The following HS6ST3 variants were observed in gnomAD, a reference collection of about 807,000 sequenced individuals.
HS6ST3 encodes heparan sulfate 6-O-sulfotransferase 3, also known as heparan-sulfate 6-O-sulfotransferase 3.
Under a neutral mutation model 36.7 loss-of-function variants are expected in HS6ST3, and 12 were observed. The ratio of observed to expected loss-of-function variants is 0.33; its 90% CI spans 0.21 to 0.53. The LOEUF is 0.53. Ranked by LOEUF, HS6ST3 falls within the 20% of genes least tolerant of loss-of-function variation. HS6ST3 has a pLI of 0.95. For synonymous variants in HS6ST3, 240 were observed against 257.5 expected, an observed-to-expected ratio of 0.93 and a Z score of 0.65; for missense variants, 584 against 640.9, an observed-to-expected ratio of 0.91 and a Z score of 0.96.
chr13:96,780,542 G>C (rs1396655747), intron 1 of HS6ST3, among the ~76,000 whole-genome samples: 2 of 152,054 alleles, frequency 1.3e-5, no homozygotes, highest in Non-Finnish European at 2.9e-5. Flanking sequence ...TTTGAGAATT[G>C]AGTGAATGCT....
chr13:96,752,117 AC>A (rs1722823655), intron 1 of HS6ST3, among the ~76,000 whole-genome samples: 1 of 152,078 alleles, frequency 6.6e-6, no homozygotes, highest in African/African-American at 2.4e-5. Context: ...TTCCTGAAGT[AC>A]TATACTGCTT....
intron 1 of HS6ST3, among the ~76,000 whole-genome samples, chr13:96,401,834 A>G (rs1793085402): frequency 6.6e-6 from 1 of 152,172 alleles, no homozygotes; most frequent in Admixed American, 6.5e-5. Flanking sequence ...CCGGCCTCCC[A>G]AAGTGCTGGG....
At chr13:96,698,138 G>A (rs1288370134) in intron 1 of HS6ST3, among the ~76,000 whole-genome samples, 3 of 152,044 alleles carry the variant, frequency 2.0e-5, no homozygotes, top group Non-Finnish European at 4.4e-5. Context: ...TTGGTGTGCT[G>A]CACCCATTAA....
At chr13:96,669,015 G>T (rs1257759960) in intron 1 of HS6ST3, among the ~76,000 whole-genome samples, 2 of 152,024 alleles carry the variant, frequency 1.3e-5, no homozygotes, top group African/African-American at 2.4e-5. Context: ...GTACACATTT[G>T]CATTGGTAAT....
chr13:96,572,298 A>C (rs1235847849), intron 1 of HS6ST3, among the ~76,000 whole-genome samples: 1 of 152,212 alleles, frequency 6.6e-6, no homozygotes, highest in Non-Finnish European at 1.5e-5. Flanking sequence ...CATTATTGCT[A>C]TGAGACTTTC....
chr13:96,563,388 A>G (rs1205038554), intron 1 of HS6ST3, among the ~76,000 whole-genome samples: 1 of 152,194 alleles, frequency 6.6e-6, no homozygotes, highest in Non-Finnish European at 1.5e-5. Flanking sequence ...GTGGTAACAG[A>G]GTAGCAGGAT....
chr13:96,587,176 C>T (rs917629251), intron 1 of HS6ST3, among the ~76,000 whole-genome samples: 4 of 151,976 alleles, frequency 2.6e-5, no homozygotes, highest in South Asian at 4.1e-4. Context: ...AATACCATGC[C>T]GTTTTTGTTC....
chr13:96,429,503 A>G (rs1357520124), intron 1 of HS6ST3, among the ~76,000 whole-genome samples: 2 of 152,242 alleles, frequency 1.3e-5, no homozygotes, highest in African/African-American at 4.8e-5. Flanking sequence ...TAGAAGATTT[A>G]GAACAGAGCT....
intron 1 of HS6ST3, among the ~76,000 whole-genome samples, chr13:96,231,897 A>G (rs2054510329): frequency 6.6e-6 from 1 of 152,192 alleles, no homozygotes; most frequent in African/African-American, 2.4e-5. Flanking sequence ...TAAAGTGTAA[A>G]TACAAGCTAT....
chr13:96,480,460 G>A (rs1310449986), intron 1 of HS6ST3, among the ~76,000 whole-genome samples: 1 of 152,146 alleles, frequency 6.6e-6, no homozygotes, highest in Non-Finnish European at 1.5e-5. Flanking sequence ...AAGTGTGACT[G>A]TGTGCGTGTG....
At chr13:96,304,749 C>T (rs1316957176) in intron 1 of HS6ST3, among the ~76,000 whole-genome samples, 2 of 69,282 alleles carry the variant, frequency 2.9e-5, no homozygotes, top group African/African-American at 1.4e-4. Flanking sequence ...CTCGCTCTGT[C>T]ACCCAGGCCG....
chr13:96,369,575 A>C (rs1005914795), intron 1 of HS6ST3, among the ~76,000 whole-genome samples: 3 of 152,170 alleles, frequency 2.0e-5, no homozygotes. Flanking sequence ...CAGAACTTCT[A>C]GCAAGCCCTG....
chr13:96,104,767 G>A (rs1028271404), intron 1 of HS6ST3, among the ~76,000 whole-genome samples: 2 of 152,146 alleles, frequency 1.3e-5, no homozygotes, highest in Non-Finnish European at 2.9e-5. Context: ...CCACAATAAA[G>A]GCTCTTGGCC....
chr13:96,198,856 T>G (rs1336046027), intron 1 of HS6ST3, among the ~76,000 whole-genome samples: 1 of 152,226 alleles, frequency 6.6e-6, no homozygotes, highest in Non-Finnish European at 1.5e-5. Context: ...CAAAGTTGCT[T>G]CCACATTTTT....
At chr13:96,217,651 A>C (rs2054433771) in intron 1 of HS6ST3, among the ~76,000 whole-genome samples, 2 of 152,232 alleles carry the variant, frequency 1.3e-5, no homozygotes, top group Admixed American at 1.3e-4. Context: ...TTCTGGCAGG[A>C]TCTTAAAGTT....
At chr13:96,367,292 T>TG (rs2055267841) in intron 1 of HS6ST3, among the ~76,000 whole-genome samples, 1 of 152,192 alleles carries the variant, frequency 6.6e-6, no homozygotes, top group South Asian at 2.1e-4. Context: ...TTCTAGGCAA[T>TG]GGTGACATTA....
At chr13:96,491,674 T>A (rs1011866637) in intron 1 of HS6ST3, among the ~76,000 whole-genome samples, 2 of 152,102 alleles carry the variant, frequency 1.3e-5, no homozygotes, top group Non-Finnish European at 2.9e-5. Flanking sequence ...GTTCTGTTGA[T>A]AAGTTATACC....
At chr13:96,447,856 CTTCT>C (rs1225566322) in intron 1 of HS6ST3, among the ~76,000 whole-genome samples, 3 of 152,158 alleles carry the variant, frequency 2.0e-5, no homozygotes, top group African/African-American at 7.2e-5. Context: ...GAGCTTCTTC[CTTCT>C]GTCTTCTCCC....
intron 1 of HS6ST3, among the ~76,000 whole-genome samples, chr13:96,361,724 C>CCAGTTTCTCCAACAAAACT (rs1352005334): frequency 6.6e-6 from 1 of 152,142 alleles, no homozygotes; most frequent in Non-Finnish European, 1.5e-5. Flanking sequence ...ACAGCAAAAC[C>CCAGTTTCTCCAACAAAACT]CAGTTTCTCC....
Sources: allele counts gnomAD v4.1 joint callset (sites outside exome capture counted in the v4.1 genomes callset), GRCh38; gene constraint gnomAD v4.1.1; transcripts MANE v1.5; gene names NCBI Gene and HGNC (gene_info 2026-07-23, HGNC 2026-07-21).